The following ZNF850 variants were observed in gnomAD, a reference collection of about 807,000 sequenced individuals.
ZNF850 encodes the protein putative zinc finger protein ENSP00000330994.
ZNF850 carries 2 observed loss-of-function variants against 11.9 expected under a neutral mutation model. The ratio of observed to expected loss-of-function variants is 0.17; its 90% confidence interval spans 0.07 to 0.53. The LOEUF is 0.53. Among genes scored for constraint, ZNF850 ranks in the 20% least tolerant of loss-of-function variants. The pLI, the probability that ZNF850 is intolerant of heterozygous loss-of-function variation, is 0.94. For synonymous variants in ZNF850, 381 were observed against 443.0 expected (o/e 0.86, Z 1.76); for missense variants, 1,014 against 1,316.4 (o/e 0.77, Z 3.55).
chr19:36,755,310 C>T (rs1310157922), intron 4 of ZNF850, among the ~76,000 whole-genome samples: 1 of 152,146 alleles, frequency 6.6e-6, no homozygotes, highest in African/African-American at 2.4e-5. Context: ...TCACTGCAAC[C>T]TCCACCTCCC....
chr19:36,751,822 T>C (rs188099911), intron 4 of ZNF850, among the ~76,000 whole-genome samples: 1 of 149,290 alleles, frequency 6.7e-6, no homozygotes, highest in East Asian at 2.0e-4. Context: ...GCTTCAACAA[T>C]GTTATTATTT....
At chr19:36,765,275 A>G (rs569286528) in intron 1 of ZNF850, among the ~76,000 whole-genome samples, 1 of 152,342 alleles carries the variant, frequency 6.6e-6, no homozygotes, top group African/African-American at 2.4e-5. Context: ...TTTCACATCC[A>G]CAGCATTCTC....
intron 1 of ZNF850, among the ~76,000 whole-genome samples, chr19:36,772,046 G>C (rs563471991): frequency 6.6e-6 from 1 of 152,064 alleles, no homozygotes; most frequent in Non-Finnish European, 1.5e-5. Context: ...ATCTAACAGA[G>C]CCCACCGTGT....
rs760931299 is a variant in ZNF850, at chr19:36,761,703, G to A, written c.175C>T (p.Leu59=). Residue 59 remains leucine (L), a synonymous_variant, in exon 4 of 5, where the codon CTG becomes TTG. Coordinates refer to ENST00000591344, the MANE Select transcript of ZNF850 (RefSeq NM_001193552.2). ...ATCCAGGGCTCTTTCCCTTGCTCCA[G>A]TAAGGAAATCACATCAGGCTTTGGG... ...SIPKPDVISL[L]EQGKEPWMVS... 5 of 1,561,106 alleles carry A rather than the reference G, an allele frequency of 3.2e-6. No individual in the cohort carries two copies. The South Asian group carries it at 4.6e-5, about 14-fold the overall frequency.
chr19:36,763,853 G>A (rs1250658451), intron 1 of ZNF850, among the ~76,000 whole-genome samples: 1 of 151,912 alleles, frequency 6.6e-6, no homozygotes, highest in Non-Finnish European at 1.5e-5. Flanking sequence ...TGGGAGGATT[G>A]CTTGAGCCCG....
Position 36,749,875 on chromosome 19 carries a change from C to T in ZNF850, c.1165G>A (p.Gly389Ser). 1.3e-6 allele frequency: 2 copies of T among 1,580,888 alleles called. No homozygotes were observed. Among genetic ancestry groups the T allele is most frequent in the Non-Finnish European group, 1.7e-6 (2 of 1,165,576 alleles). Residue 389 changes from glycine to serine, a missense_variant, in exon 5 of 5, where the codon GGT becomes AGT. Gly to Ser is a moderately conservative substitution (Grantham distance 56). Around this residue, in one of 2 missense-constraint regions of ZNF850, gnomAD observed 835 missense variants for 1,022.0 expected, o/e 0.82. Transcript: ENST00000591344. ...ALIRHQRIHT[G>S]EKPYDCKECG... ...TCCTTACAATCATAGGGTTTCTCAC[C>T]AGTGTGAATTCGCTGATGTCGAATT...
chr19:36,751,698 C>CAAAAA (rs398038336), intron 4 of ZNF850, among the ~76,000 whole-genome samples: 1 of 15,762 alleles, frequency 6.3e-5, no homozygotes, highest in East Asian at 2.6e-3. Context: ...GACTCCATCT[C>CAAAAA]AAAAAAAAAA....
chr19:36,756,008 C>T (rs1318879038), intron 4 of ZNF850, among the ~76,000 whole-genome samples: 5 of 147,984 alleles, frequency 3.4e-5, no homozygotes, highest in Admixed American at 1.4e-4. Context: ...TGGTTTCATG[C>T]GATTCTCCTT....
chr19:36,751,343 T>C (rs1171124059), intron 4 of ZNF850, among the ~76,000 whole-genome samples: 1 of 151,852 alleles, frequency 6.6e-6, no homozygotes, highest in Non-Finnish European at 1.5e-5. Context: ...AAGGGAAACA[T>C]AATGACTCAA....
chr19:36,749,102 T>C lies in ZNF850; in HGVS notation c.1938A>G (p.Gln646=), dbSNP rs2040433826. 2 of 1,601,718 alleles carry C rather than the reference T, an allele frequency of 1.2e-6. No individual in the cohort carries two copies. The highest frequency in any genetic ancestry group is 8.5e-7 in the Non-Finnish European group (1 of 1,175,802). ...QQIHTGEKPY[Q]CQECGKAFVS... is the part of the protein sequence containing the mutation. ...CAAAGGCTTTCCCACATTCCTGACA[T>C]TGATAAGGTTTCTCACCAGTATGGA... Residue 646 remains glutamine (Q), a synonymous_variant, in exon 5 of 5, where the codon CAA becomes CAG. Transcript: ENST00000591344.
intron 4 of ZNF850, among the ~76,000 whole-genome samples, chr19:36,753,077 C>T (rs2145958432): frequency 6.6e-6 from 1 of 151,898 alleles, no homozygotes; most frequent in Middle Eastern, 3.4e-3. Context: ...CAAGACCAGC[C>T]TGGTCAACAT....
Position 36,748,027 on chromosome 19 carries a change from C to T in ZNF850, c.3013G>A (p.Gly1005Ser). 1 of 1,590,004 alleles carries T rather than the reference C, an allele frequency of 6.3e-7. No homozygotes were observed. Among genetic ancestry groups the T allele is most frequent in the Non-Finnish European group, 8.5e-7 (1 of 1,170,568 alleles). Reference sequence around the variant, plus strand: ...TCCTTACAATCATAAGGTTTCTCACCAGTGTGAGTTCGCTGATGTCGAATT... The same window carrying T: ...TCCTTACAATCATAAGGTTTCTCACTAGTGTGAGTTCGCTGATGTCGAATT... ...ELIRHQRTHT[G>S]EKPYDCKECG... Residue 1005 changes from glycine to serine, a missense_variant, in exon 5 of 5, where the codon GGT becomes AGT. By Grantham distance (56) the Gly-to-Ser change is moderately conservative. This residue lies in a region of ZNF850 where 179 missense variants were observed against 294.4 expected (regional missense o/e 0.61). Coordinates refer to ENST00000591344, the MANE Select transcript of ZNF850 (RefSeq NM_001193552.2).
chr19:36,757,175 AACTTTG>A (rs2145961688), intron 4 of ZNF850, among the ~76,000 whole-genome samples: 1 of 152,254 alleles, frequency 6.6e-6, no homozygotes, highest in East Asian at 1.9e-4. Context: ...CTGAGGGGCA[AACTTTG>A]GCAGGGGTCC....
In ZNF850 at chr19:36,744,423, T is replaced by A. The variant is rs1280737509; in HGVS notation, c.*3344A>T. The A allele has an allele frequency of 7.2e-5, 11 of 152,016 alleles. No individual in the cohort carries two copies. Among genetic ancestry groups the A allele is most frequent in the Admixed American group, 5.2e-4 (8 of 15,244 alleles). 9.4% of individuals were successfully genotyped at this position (152,016 alleles called of 1,614,324 possible). A position where few individuals can be genotyped will look rare whatever the true frequency, so the allele number is the denominator to read the frequency against. On this transcript the variant is annotated 3_prime_UTR_variant, in exon 5 of 5. Transcript: ENST00000591344. ...GCTAGGACCAATTGAGCCCAAGAGTTCAAGACCAGCCTGGACAACATGGTG... is the reference window on the plus strand; with the variant it reads ...GCTAGGACCAATTGAGCCCAAGAGTACAAGACCAGCCTGGACAACATGGTG...
rs145764693 is a variant in ZNF850 at position 36,770,856 on chromosome 19, C to T, written c.-70+1869G>A. On this transcript the variant is annotated intron_variant, in intron 1 of 4. Coordinates refer to ENST00000591344, the MANE Select transcript of ZNF850 (RefSeq NM_001193552.2). ...GTATGAGTATTTAATTCAATACAGA[C>T]ATGGAAACTGGCCCAAGCATTTACT... Among the ~76,000 whole-genome samples the T allele has an allele frequency of 5.8e-3, 881 of 151,238 alleles. 7 individuals are homozygous for T. The highest frequency in any genetic ancestry group is 0.021 in the Middle Eastern group (6 of 288).
At chr19:36,761,590 C>T in intron 4 of ZNF850, 53 bp downstream of exon 4, 1 of 1,058,798 alleles carries the variant, frequency 9.4e-7, no homozygotes, top group Non-Finnish European at 1.4e-6. Flanking sequence ...GCCTCCCTGA[C>T]AGGCTGGCTT....
At chr19:36,754,035 G>A (rs554109286) in intron 4 of ZNF850, among the ~76,000 whole-genome samples, 2 of 151,228 alleles carry the variant, frequency 1.3e-5, no homozygotes, top group African/African-American at 4.9e-5. Context: ...CAAGAGAGGT[G>A]GATTGTGCCT....
intron 1 of ZNF850, among the ~76,000 whole-genome samples, chr19:36,770,414 A>G (rs2040573720): frequency 6.6e-6 from 1 of 152,150 alleles, no homozygotes; most frequent in African/African-American, 2.4e-5. Context: ...ACAAAAAGCC[A>G]AAGGCTGGGT....
At chr19:36,763,312 G>A (rs931670726) in intron 1 of ZNF850, among the ~76,000 whole-genome samples, 18 of 151,536 alleles carry the variant, frequency 1.2e-4, no homozygotes, top group Admixed American at 1.1e-3. Context: ...AGGCCAAGGC[G>A]GATGGATCAC....
Sources: allele counts gnomAD v4.1 joint callset (sites outside exome capture counted in the v4.1 genomes callset), GRCh38; gene constraint gnomAD v4.1.1; regional missense constraint gnomAD v4.1.1; transcripts MANE v1.5; gene names NCBI Gene and HGNC (gene_info 2026-07-23, HGNC 2026-07-21).